Variants in FUT6 observed in about 807,000 individuals in gnomAD.
FUT6 encodes the protein 4-galactosyl-N-acetylglucosaminide 3-alpha-L-fucosyltransferase FUT6.
For missense variants in FUT6, 454 were observed against 494.6 expected (o/e 0.92, Z 0.78); for synonymous variants, 187 against 209.9 (o/e 0.89, Z 0.94).
intron 1 of FUT6, among the ~76,000 whole-genome samples, chr19:5,837,629 G>A (rs1221648806): frequency 1.3e-5 from 2 of 151,918 alleles, no homozygotes; most frequent in Non-Finnish European, 2.9e-5. Flanking sequence ...AGCCAGGCGC[G>A]GTGGCGGGCA....
Position 5,832,732 on chromosome 19 carries a change from C to A in FUT6, c.-12-153G>T. 3 of 660,970 alleles carry A rather than the reference C, an allele frequency of 4.5e-6. No homozygotes were observed. The highest frequency in any genetic ancestry group is 8.0e-6 in the Non-Finnish European group (3 of 376,940). The allele number at this position is 660,970 out of a possible 1,614,324, so 40.9% of individuals were successfully genotyped here. ...TGACTCACAGCAAAAGTCAGCACAG[C>A]TGGTGTTTGAACAAAGGGAGCTTGG... On this transcript the variant is annotated intron_variant, in intron 2 of 2. Coordinates refer to ENST00000318336, the MANE Select transcript of FUT6 (RefSeq NM_000150.4). This position sits in a 1 kb window ranked among gnomAD's most constrained non-coding sequence, Gnocchi z 4.3.
At chr19:5,833,677 C>T (rs1301352387) in intron 2 of FUT6, among the ~76,000 whole-genome samples, 1 of 150,742 alleles carries the variant, frequency 6.6e-6, no homozygotes, top group Admixed American at 6.6e-5. Context: ...CCTGTAATCC[C>T]AGCTACTTAG....
Position 5,831,056 on chromosome 19 carries a change from G to C in FUT6, c.*432C>G, listed in dbSNP as rs2057083297. On this transcript the variant is annotated 3_prime_UTR_variant, in exon 3 of 3. Coordinates refer to ENST00000318336, the MANE Select transcript of FUT6 (RefSeq NM_000150.4). The surrounding 1 kb of genome is among the most constrained non-coding windows in gnomAD (Gnocchi z 7.0). ...CATGGGTGCCAGTTCCCAGGGCCCA[G>C]TGCCCTCCAGGGTGAGGTCCCCAGC... The C allele has an allele frequency of 1.9e-6, 1 of 536,148 alleles. No homozygotes were observed. Among genetic ancestry groups the C allele is most frequent in the Non-Finnish European group, 3.4e-6 (1 of 297,664 alleles). 33.2% of individuals were successfully genotyped at this position (536,148 alleles called of 1,614,324 possible). A position where few individuals can be genotyped will look rare whatever the true frequency, so the allele number is the denominator to read the frequency against.
chr19:5,839,110 CT>C lies in FUT6; in HGVS notation c.-575del, dbSNP rs942888456. 6 of 152,126 alleles carry C rather than the reference CT, an allele frequency of 3.9e-5. No homozygotes were observed. The highest frequency in any genetic ancestry group is 1.4e-4 in the African/African-American group (6 of 41,446). The allele number at this position is 152,126 out of a possible 1,614,324, so 9.4% of individuals were successfully genotyped here. The stretch of plus-strand genomic sequence containing the variant: ...ATGAGGAAGTGAGCAGAATTTCTAC[CT>C]TTCCGCTTTCCTTCCCACCAGATCC... On this transcript the variant is annotated 5_prime_UTR_variant, in exon 1 of 3. An upstream open reading frame in the 5' UTR gains an earlier in-frame stop. Transcript: ENST00000318336.
chr19:5,831,027 GC>G lies in FUT6; in HGVS notation c.*460del, dbSNP rs1417949968. The G allele has an allele frequency of 2.0e-6, 1 of 500,370 alleles. No homozygotes were observed. The highest frequency in any genetic ancestry group is 3.6e-6 in the Non-Finnish European group (1 of 274,788). The allele number at this position is 500,370 out of a possible 1,614,324, so 31.0% of individuals were successfully genotyped here. A position where few individuals can be genotyped will look rare whatever the true frequency, so the allele number is the denominator to read the frequency against. On this transcript the variant is annotated 3_prime_UTR_variant, in exon 3 of 3. Transcript: ENST00000318336. The surrounding 1 kb of genome is among the most constrained non-coding windows in gnomAD (Gnocchi z 7.0). ...GCCAGAACCATCACTCATGGGTGGG[GC>G]CCCATGGGTGCCAGTTCCCAGGGCC...
chr19:5,831,505 C>T lies in FUT6; in HGVS notation c.1063G>A (p.Ala355Thr). 1 of 1,614,104 alleles carries T rather than the reference C, an allele frequency of 6.2e-7. No individual in the cohort carries two copies. Among genetic ancestry groups the T allele is most frequent in the Non-Finnish European group, 8.5e-7 (1 of 1,180,046 alleles). Residue 355 changes from alanine to threonine, a missense_variant, in exon 3 of 3, where the codon GCG becomes ACG. Physicochemically the swap from Ala to Thr is moderately conservative, Grantham distance 58 (BLOSUM62 0). Transcript: ENST00000318336. The surrounding 1 kb of genome is among the most constrained non-coding windows in gnomAD (Gnocchi z 7.0). ...CCAGCCTCTCAGGTGAACCAAGCCGCTATGCCGCGTGTCTGGTACCTGGAT... is the reference window on the plus strand; with the variant it reads ...CCAGCCTCTCAGGTGAACCAAGCCGTTATGCCGCGTGTCTGGTACCTGGAT... Reference protein sequence around the residue: ...EESRYQTRGIAAWFT With the variant: ...EESRYQTRGITAWFT
At chr19:5,838,032 T>TA (rs1322226379) in intron 1 of FUT6, 7 of 152,118 alleles carry the variant, frequency 4.6e-5, no homozygotes, top group Non-Finnish European at 1.0e-4. Context: ...TGTTTAGAGA[T>TA]ACATTTAATA....
chr19:5,831,351 A>T lies in FUT6; in HGVS notation c.*137T>A. 6.3e-7 allele frequency: 1 copy of T among 1,599,726 alleles called. No homozygotes were observed. Among genetic ancestry groups the T allele is most frequent in the Non-Finnish European group, 8.5e-7 (1 of 1,172,704 alleles). ...ATCCCCAGGCAGGTGAAGCTGCAAC[A>T]GGTGACCGTCCCAGGCAGGTGAGTC... is the stretch of plus-strand genomic sequence containing the variant. On this transcript the variant is annotated 3_prime_UTR_variant, in exon 3 of 3. Coordinates refer to ENST00000318336, the MANE Select transcript of FUT6 (RefSeq NM_000150.4). This position sits in a 1 kb window ranked among gnomAD's most constrained non-coding sequence, Gnocchi z 7.0.
intron 1 of FUT6, chr19:5,837,872 T>C (rs1446837661): frequency 6.6e-6 from 1 of 151,992 alleles, no homozygotes; most frequent in Non-Finnish European, 1.5e-5. Context: ...TGAGAAGGGA[T>C]TGAGAGCACA....
At chr19:5,835,999 G>A (rs1380173926) in intron 1 of FUT6, among the ~76,000 whole-genome samples, 4 of 151,770 alleles carry the variant, frequency 2.6e-5, no homozygotes, top group African/African-American at 7.3e-5. Context: ...AGTGATTGTC[G>A]TGCCTCAGCC....
chr19:5,832,469 A>G lies in FUT6; in HGVS notation c.99T>C (p.Tyr33=), dbSNP rs760778966. Residue 33 remains tyrosine (Y), a synonymous_variant, in exon 3 of 3, where the codon TAT becomes TAC. Transcript: ENST00000318336. The surrounding 1 kb of genome is among the most constrained non-coding windows in gnomAD (Gnocchi z 4.3). ...TGGGATCGTCTTGAGACACACGCAGATAGGAGAAGAAACACACAGCCATCA... is the reference window on the plus strand; with the variant it reads ...TGGGATCGTCTTGAGACACACGCAGGTAGGAGAAGAAACACACAGCCATCA... ...QLLMAVCFFS[Y]LRVSQDDPTV... is the part of the protein sequence containing the mutation. The G allele has an allele frequency of 1.9e-6, 3 of 1,613,814 alleles. No individual in the cohort carries two copies. In the South Asian group the frequency reaches 3.3e-5, roughly 18 times the overall value.
intron 1 of FUT6, among the ~76,000 whole-genome samples, chr19:5,836,646 T>A (rs1183315795): frequency 6.6e-6 from 1 of 152,180 alleles, no homozygotes; most frequent in Non-Finnish European, 1.5e-5. Flanking sequence ...CTGAGCAGCA[T>A]AGCAAGACCT....
Position 5,832,281 on chromosome 19 carries a change from C to A in FUT6, c.287G>T (p.Arg96Leu). The A allele has an allele frequency of 1.9e-6, 3 of 1,613,922 alleles. No individual in the cohort carries two copies. Among genetic ancestry groups the A allele is most frequent in the South Asian group, 1.1e-5 (1 of 91,076 alleles). Residue 96 changes from arginine (R) to leucine (L), a missense_variant, in exon 3 of 3, where the codon CGC becomes CTC. By Grantham distance (102) the Arg-to-Leu change is moderately radical (BLOSUM62 -2). Coordinates refer to ENST00000318336, the MANE Select transcript of FUT6 (RefSeq NM_000150.4). The surrounding 1 kb of genome is among the most constrained non-coding windows in gnomAD (Gnocchi z 4.3). ...GTADCNITAD[R>L]KVYPQADAVI... is the part of the protein sequence containing the mutation. Reference sequence around the variant, plus strand: ...CGCGTCTGCCTGTGGATACACCTTGCGGTCGGCAGTGATGTTGCAGTCAGC... The same window carrying A: ...CGCGTCTGCCTGTGGATACACCTTGAGGTCGGCAGTGATGTTGCAGTCAGC...
Position 5,832,489 on chromosome 19 carries a change from C to T in FUT6, c.79G>A (p.Ala27Thr). 1 of 1,613,816 alleles carries T rather than the reference C, an allele frequency of 6.2e-7. No homozygotes were observed. The highest frequency in any genetic ancestry group is 8.5e-7 in the Non-Finnish European group (1 of 1,179,996). ...CGCAGATAGGAGAAGAAACACACAG[C>T]CATCAGCAGCTGAAACAGCAGCGTG... is the stretch of plus-strand genomic sequence containing the variant. The part of the protein sequence containing the change: ...LTTLLFQLLM[A>T]VCFFSYLRVS... Residue 27 changes from alanine (A) to threonine (T), a missense_variant, in exon 3 of 3, where the codon GCT (alanine) becomes ACT (threonine). Transcript: ENST00000318336. This position sits in a 1 kb window ranked among gnomAD's most constrained non-coding sequence, Gnocchi z 4.3.
chr19:5,831,092 C>T lies in FUT6; in HGVS notation c.*396G>A, dbSNP rs913150382. 3 of 575,014 alleles carry T rather than the reference C, an allele frequency of 5.2e-6. No homozygotes were observed. The highest frequency in any genetic ancestry group is 4.6e-4 in the Middle Eastern group (1 of 2,174). The allele number at this position is 575,014 out of a possible 1,614,324, so 35.6% of individuals were successfully genotyped here. A position where few individuals can be genotyped will look rare whatever the true frequency, so the allele number is the denominator to read the frequency against. On this transcript the variant is annotated 3_prime_UTR_variant, in exon 3 of 3. Transcript: ENST00000318336. This position sits in a 1 kb window ranked among gnomAD's most constrained non-coding sequence, Gnocchi z 7.0. ...GGTGAGGTCCCCAGCAGGTGAGGCT[C>T]CTAGCAGGTGAGATTCAGTGTGGAA...
At chr19:5,837,261 C>T (rs1014760953) in intron 1 of FUT6, among the ~76,000 whole-genome samples, 2 of 151,820 alleles carry the variant, frequency 1.3e-5, no homozygotes, top group African/African-American at 2.4e-5. Context: ...TGGTCTCGAA[C>T]TCCTGACCTC....
Position 5,831,290 on chromosome 19 carries a change from G to T in FUT6, c.*198C>A. ...ACCTGGCCACCGAAGACTCCAGCAG[G>T]TGAGGCCCCAGGAAAGTGAGGACCC... On this transcript the variant is annotated 3_prime_UTR_variant, in exon 3 of 3. Coordinates refer to ENST00000318336, the MANE Select transcript of FUT6 (RefSeq NM_000150.4). This position sits in a 1 kb window ranked among gnomAD's most constrained non-coding sequence, Gnocchi z 7.0. 2 of 1,262,258 alleles carry T rather than the reference G, an allele frequency of 1.6e-6. No homozygotes were observed. Among genetic ancestry groups the T allele is most frequent in the African/African-American group, 1.5e-5 (1 of 68,422 alleles). The allele number at this position is 1,262,258 out of a possible 1,614,324, so 78.2% of individuals were successfully genotyped here.
chr19:5,836,558 A>G (rs932137935), intron 1 of FUT6, among the ~76,000 whole-genome samples: 4 of 152,162 alleles, frequency 2.6e-5, no homozygotes, highest in African/African-American at 9.7e-5. Context: ...GCCGGGAGTA[A>G]TGGCTTACAC....
intron 1 of FUT6, among the ~76,000 whole-genome samples, chr19:5,836,525 T>G (rs535234028): frequency 6.6e-4 from 100 of 152,240 alleles, no homozygotes; most frequent in Middle Eastern, 3.4e-3. Context: ...CCAATGCTAA[T>G]TTAAACTTAA....
Sources: gnomAD v4.1 joint callset for allele counts (sites outside exome capture counted in the v4.1 genomes callset) on GRCh38, gnomAD v4.1.1 for gene constraint, Gnocchi (gnomAD v3.1) non-coding constraint, MANE v1.5 for transcripts, NCBI Gene and HGNC (gene_info 2026-07-23, HGNC 2026-07-21) for gene names.